Variants in COMMD1 observed in about 807,000 individuals in gnomAD.
The protein encoded by COMMD1 is COMM domain-containing protein 1.
Under a neutral mutation model 17.2 loss-of-function variants are expected in COMMD1, and 10 were observed. That is an observed-to-expected ratio of 0.58 (90% confidence interval 0.36 to 0.99). The LOEUF is 0.99. Among genes scored for constraint, COMMD1 ranks in the 50% least tolerant of loss-of-function variants. The pLI, the probability that COMMD1 is intolerant of heterozygous loss-of-function variation, is 0.01. For synonymous variants in COMMD1, 97 were observed against 91.6 expected (o/e 1.06, Z -0.34); for missense variants, 270 against 231.8 (o/e 1.17, Z -1.07).
At chr2:61,949,351 A>C (rs1161088162) in intron 1 of COMMD1, among the ~76,000 whole-genome samples, 2 of 152,220 alleles carry the variant, frequency 1.3e-5, no homozygotes, top group Non-Finnish European at 1.5e-5. Context: ...AGAGGAGTAC[A>C]GAGAGGCTCA....
At chr2:61,994,476 G>T (rs1239099539) in intron 1 of COMMD1, among the ~76,000 whole-genome samples, 1 of 152,010 alleles carries the variant, frequency 6.6e-6, no homozygotes, top group African/African-American at 2.4e-5. Flanking sequence ...TTCAGCTCCA[G>T]TCTCACTTGC....
intron 1 of COMMD1, among the ~76,000 whole-genome samples, chr2:61,934,381 A>G (rs1670550116): frequency 6.6e-6 from 1 of 152,148 alleles, no homozygotes; most frequent in African/African-American, 2.4e-5. Context: ...TAGAGTATCA[A>G]AATGAAGGAA....
At chr2:62,126,106 C>A (rs1020763148) in intron 2 of COMMD1, among the ~76,000 whole-genome samples, 3 of 152,190 alleles carry the variant, frequency 2.0e-5, no homozygotes, top group African/African-American at 7.2e-5. Context: ...TGATCTTATT[C>A]CTTTTTATGA....
Position 61,931,650 on chromosome 2 carries a change from G to A in COMMD1, c.180+25792G>A, listed in dbSNP as rs916970262. ...AGGTGTTGGATGGTAATGGGCAACA[G>A]CAGGTGCTATATTATTACCTTAGTC... On this transcript the variant is annotated intron_variant, in intron 1 of 2. Transcript: ENST00000311832. Among the ~76,000 whole-genome samples, 7 of 152,202 alleles carry A rather than the reference G, an allele frequency of 4.6e-5. 1 individual carries two copies. The highest frequency in any genetic ancestry group is 1.2e-4 in the African/African-American group (5 of 41,456).
At chr2:62,117,773 G>T (rs181263748) in intron 2 of COMMD1, among the ~76,000 whole-genome samples, 2 of 152,288 alleles carry the variant, frequency 1.3e-5, no homozygotes, top group African/African-American at 4.8e-5. Context: ...CGATTTGTCA[G>T]ACTTTTCCCA....
intron 2 of COMMD1, among the ~76,000 whole-genome samples, chr2:62,086,648 A>G (rs1671677510): frequency 1.3e-5 from 2 of 152,164 alleles, no homozygotes; most frequent in African/African-American, 4.8e-5. Flanking sequence ...ACAAAAAACA[A>G]TGGACACACT....
intron 2 of COMMD1, among the ~76,000 whole-genome samples, chr2:62,023,120 G>A (rs1669654884): frequency 1.3e-5 from 2 of 152,074 alleles, no homozygotes; most frequent in Non-Finnish European, 2.9e-5. Flanking sequence ...CAGCTATTTA[G>A]GAGGCTGAGA....
chr2:61,971,491 C>T (rs1405124593), intron 1 of COMMD1, among the ~76,000 whole-genome samples: 4 of 151,850 alleles, frequency 2.6e-5, no homozygotes, highest in East Asian at 1.9e-4. Flanking sequence ...GGTACTGTGG[C>T]GTGCCTGGGC....
rs185684934 is a variant in COMMD1, at chr2:62,046,765, A to T, written c.462+45783A>T. On this transcript the variant is annotated intron_variant, in intron 2 of 2. Transcript: ENST00000311832. ...TTTTTCTCTCTCCAGTTTGTGATTT[A>T]TAAAGCAGTCACATTATTCAGTTGT... Among the ~76,000 whole-genome samples the T allele has an allele frequency of 7.9e-5, 12 of 152,386 alleles. No individual in the cohort carries two copies. The East Asian group carries it at 2.3e-3, about 29-fold the overall frequency.
chr2:61,978,263 T>C (rs1045769618), intron 1 of COMMD1, among the ~76,000 whole-genome samples: 3 of 152,246 alleles, frequency 2.0e-5, no homozygotes, highest in African/African-American at 7.2e-5. Context: ...TGGAAAAAGC[T>C]ATGTTTTACC....
chr2:62,112,865 T>C (rs1248542960), intron 2 of COMMD1, among the ~76,000 whole-genome samples: 3 of 148,498 alleles, frequency 2.0e-5, no homozygotes, highest in African/African-American at 4.9e-5. Flanking sequence ...CACTTCCTGA[T>C]TTTTTTTTTA....
chr2:61,994,811 C>T (rs1293676950), intron 1 of COMMD1, among the ~76,000 whole-genome samples: 1 of 152,152 alleles, frequency 6.6e-6, no homozygotes, highest in East Asian at 1.9e-4. Flanking sequence ...GCCTCATGTC[C>T]TTCTTATACT....
chr2:62,134,394 T>C (rs1673128915), intron 2 of COMMD1, among the ~76,000 whole-genome samples: 1 of 152,182 alleles, frequency 6.6e-6, no homozygotes, highest in Non-Finnish European at 1.5e-5. Flanking sequence ...GATTATATGC[T>C]CTGTAAGGAT....
At chr2:61,946,907 CAG>C (rs1292781932) in intron 1 of COMMD1, among the ~76,000 whole-genome samples, 2 of 152,140 alleles carry the variant, frequency 1.3e-5, no homozygotes, top group Admixed American at 6.5e-5. Context: ...ACTTTTCATA[CAG>C]AGTTGTCTCC....
chr2:62,119,641 C>G (rs1373035565), intron 2 of COMMD1, among the ~76,000 whole-genome samples: 2 of 152,148 alleles, frequency 1.3e-5, no homozygotes, highest in Non-Finnish European at 2.9e-5. Flanking sequence ...CCTATTTCTC[C>G]CTAATGGTGC....
At chr2:62,103,755 C>T (rs905188886) in intron 2 of COMMD1, among the ~76,000 whole-genome samples, 24 of 152,144 alleles carry the variant, frequency 1.6e-4, no homozygotes, top group African/African-American at 5.6e-4. Flanking sequence ...TACATGTTTC[C>T]TGAAATCAGC....
chr2:62,053,073 G>T (rs540066860), intron 2 of COMMD1, among the ~76,000 whole-genome samples: 18 of 152,102 alleles, frequency 1.2e-4, no homozygotes, highest in Non-Finnish European at 1.3e-4. Context: ...GAGAGATCCT[G>T]TCTCAAAAAC....
chr2:62,058,850 A>G (rs1273079496), intron 2 of COMMD1, among the ~76,000 whole-genome samples: 2 of 151,778 alleles, frequency 1.3e-5, no homozygotes, highest in Non-Finnish European at 2.9e-5. Flanking sequence ...GCGCAATCTC[A>G]GTTCACCTCA....
intron 1 of COMMD1, among the ~76,000 whole-genome samples, chr2:61,921,066 C>T (rs1214691735): frequency 2.0e-5 from 3 of 149,712 alleles, no homozygotes; most frequent in Non-Finnish European, 4.4e-5. Flanking sequence ...CAACCTTCAC[C>T]TCCCGGGTTC....
Sources: gnomAD v4.1 joint callset for allele counts (sites outside exome capture counted in the v4.1 genomes callset) on GRCh38, gnomAD v4.1.1 for gene constraint, MANE v1.5 for transcripts, NCBI Gene and HGNC (gene_info 2026-07-23, HGNC 2026-07-21) for gene names.